MTMR3: variants seen among roughly 807,000 people sequenced by gnomAD.
MTMR3 encodes the protein phosphatidylinositol-3,5-bisphosphate 3-phosphatase MTMR3.
A neutral mutation model predicts 132.4 loss-of-function variants in MTMR3; 32 were observed. The observed-to-expected ratio is 0.24, with a 90% CI of 0.18 to 0.32. The LOEUF (loss-of-function observed/expected upper bound fraction) is 0.32, where lower values mean the gene tolerates loss of function less well. Ranked by LOEUF, MTMR3 falls within the 10% of genes least tolerant of loss-of-function variation. The pLI is 1.00. For synonymous variants in MTMR3, 556 were observed against 550.3 expected, an observed-to-expected ratio of 1.01 and a Z score of -0.14; for missense variants, 1,216 against 1,489.6, an observed-to-expected ratio of 0.82 and a Z score of 3.02.
At chr22:29,903,243 TAAAAA>T (rs951374514) in intron 1 of MTMR3, among the ~76,000 whole-genome samples, 17 of 152,022 alleles carry the variant, frequency 1.1e-4, no homozygotes, top group South Asian at 2.1e-4. Flanking sequence ...AAAATAAAAA[TAAAAA>T]AGAAAAGAGT....
chr22:29,939,797 C>G (rs1411747308), intron 1 of MTMR3, among the ~76,000 whole-genome samples: 1 of 152,098 alleles, frequency 6.6e-6, no homozygotes, highest in Non-Finnish European at 1.5e-5. Flanking sequence ...GCCACTCTGC[C>G]CAGGCTAAGC....
chr22:29,988,341 G>A (rs2066897349), intron 5 of MTMR3, 139 bp from the exon 6 acceptor site: 3 of 506,398 alleles, frequency 5.9e-6, no homozygotes, highest in East Asian at 3.1e-5. Context: ...CTTGAGTACT[G>A]TTGATCCAGA....
intron 2 of MTMR3, among the ~76,000 whole-genome samples, chr22:29,962,963 G>A (rs2066342243): frequency 7.0e-6 from 1 of 142,368 alleles, no homozygotes; most frequent in Admixed American, 7.2e-5. Flanking sequence ...GGCTTCTGGT[G>A]TGCCGTGGCA....
chr22:29,908,047 C>T (rs959179745), intron 1 of MTMR3, among the ~76,000 whole-genome samples: 9 of 152,120 alleles, frequency 5.9e-5, no homozygotes, highest in Non-Finnish European at 8.8e-5. Context: ...TTGCTTGTAC[C>T]TCCTAAGAGT....
chr22:29,938,701 G>A lies in MTMR3; in HGVS notation c.-137-18335G>A, dbSNP rs141336055. The stretch of plus-strand genomic sequence containing the variant: ...AGATAAATTTTTCTTGGTCATTAGA[G>A]TAAAGGTATATGCAAATTCTTTTCT... On this transcript the variant is annotated intron_variant, in intron 1 of 19. Coordinates refer to ENST00000401950, the MANE Select transcript of MTMR3 (RefSeq NM_021090.4). Among the ~76,000 whole-genome samples, 150 of 152,330 alleles carry A rather than the reference G, an allele frequency of 9.8e-4. 1 individual carries two copies. Among genetic ancestry groups the A allele is most frequent in the African/African-American group, 3.5e-3 (146 of 41,588 alleles).
At chr22:29,955,016 G>T (rs2066160842) in intron 1 of MTMR3, among the ~76,000 whole-genome samples, 1 of 151,998 alleles carries the variant, frequency 6.6e-6, no homozygotes, top group South Asian at 2.1e-4. Context: ...ACAATCTAGG[G>T]TCTTACTTTG....
chr22:30,020,581 G>T lies in MTMR3; in HGVS notation c.2922G>T (p.Leu974=). The change falls in exon 17 of 20, where the codon CTG becomes CTT. Residue 974 remains leucine, a synonymous_variant. Transcript: ENST00000401950. ...GCAAGGACTCACTGAGCCGTCAGCT[G>T]TCTGCTATGAGCTGCAGCTCTGCCC... ...GRSKDSLSRQ[L]SAMSCSSAHL... The T allele has an allele frequency of 6.2e-7, 1 of 1,614,224 alleles. No individual in the cohort carries two copies. Among genetic ancestry groups the T allele is most frequent in the Non-Finnish European group, 8.5e-7 (1 of 1,180,044 alleles).
intron 7 of MTMR3, chr22:29,993,114 T>G (rs1201138707): frequency 6.6e-6 from 1 of 152,218 alleles, no homozygotes; most frequent in African/African-American, 2.4e-5. Flanking sequence ...TCTTGGAGCC[T>G]CAGGGAAAGC....
In MTMR3 at chr22:30,029,927, T is replaced by A. The variant is rs1158517951; in HGVS notation, c.*4126T>A. 3 of 152,360 alleles carry A rather than the reference T, an allele frequency of 2.0e-5. No homozygotes were observed. Among genetic ancestry groups the A allele is most frequent in the Non-Finnish European group, 4.4e-5 (3 of 68,046 alleles). The allele number at this position is 152,360 out of a possible 1,614,324, so 9.4% of individuals were successfully genotyped here. The stretch of plus-strand genomic sequence containing the variant: ...GGGCAGGACCAGATATGTGAGAGAC[T>A]TCTAGTTCAGAGCTGACCCCTCTAA... On this transcript the variant is annotated 3_prime_UTR_variant, in exon 20 of 20. Transcript: ENST00000401950.
At chr22:29,904,163 C>A (rs973779085) in intron 1 of MTMR3, among the ~76,000 whole-genome samples, 1 of 152,074 alleles carries the variant, frequency 6.6e-6, no homozygotes, top group Non-Finnish European at 1.5e-5. Flanking sequence ...AAATTAACAC[C>A]GTGGGAGTAT....
At chr22:29,886,653 T>C (rs1173601965) in intron 1 of MTMR3, among the ~76,000 whole-genome samples, 1 of 152,230 alleles carries the variant, frequency 6.6e-6, no homozygotes, top group Non-Finnish European at 1.5e-5. Context: ...GTAGATGAAC[T>C]TTTATTATTT....
At chr22:29,898,596 T>A (rs1044401668) in intron 1 of MTMR3, among the ~76,000 whole-genome samples, 2 of 152,026 alleles carry the variant, frequency 1.3e-5, no homozygotes, top group African/African-American at 4.8e-5. Flanking sequence ...AGAGACTGGG[T>A]TTTGTCCTGT....
intron 1 of MTMR3, among the ~76,000 whole-genome samples, chr22:29,927,610 T>C (rs2065542641): frequency 6.6e-6 from 1 of 152,176 alleles, no homozygotes; most frequent in African/African-American, 2.4e-5. Context: ...TTCTTAGTGG[T>C]AGTGGTAGAG....
chr22:29,920,234 C>T (rs1569004495), intron 1 of MTMR3, among the ~76,000 whole-genome samples: 1 of 150,722 alleles, frequency 6.6e-6, no homozygotes, highest in African/African-American at 2.4e-5. Flanking sequence ...ACAAAAAACC[C>T]AAAAAAAATT....
At chr22:30,007,536 T>G in intron 10 of MTMR3, 1 of 603,644 alleles carries the variant, frequency 1.7e-6, no homozygotes, top group South Asian at 2.0e-5. Context: ...GTTTGTTGTC[T>G]TTCTTGCCAT....
chr22:29,916,971 A>G (rs1420424627), intron 1 of MTMR3, among the ~76,000 whole-genome samples: 5 of 152,188 alleles, frequency 3.3e-5, no homozygotes, highest in African/African-American at 1.2e-4. Context: ...GCTTTAAGAT[A>G]CAATGTCACT....
At chr22:29,997,487 A>G (rs374842070) in intron 7 of MTMR3, 9 of 152,240 alleles carry the variant, frequency 5.9e-5, no homozygotes, top group East Asian at 3.8e-4. Flanking sequence ...TTAAAATAAC[A>G]TGCTGCCCTA....
At chr22:29,959,321 G>A (rs867284681) in intron 2 of MTMR3, among the ~76,000 whole-genome samples, 2 of 152,024 alleles carry the variant, frequency 1.3e-5, no homozygotes, top group Non-Finnish European at 2.9e-5. Flanking sequence ...TAGCCAGGGG[G>A]GTGGGGGAGT....
At chr22:30,022,399 C>T in intron 18 of MTMR3, 1 of 614,862 alleles carries the variant, frequency 1.6e-6, no homozygotes, top group South Asian at 1.9e-5. Context: ...CAGGGTGCTG[C>T]TGCCTGCTAC....
Sources: gnomAD v4.1 joint callset for allele counts (sites outside exome capture counted in the v4.1 genomes callset) on GRCh38, gnomAD v4.1.1 for gene constraint, MANE v1.5 for transcripts, NCBI Gene and HGNC (gene_info 2026-07-23, HGNC 2026-07-21) for gene names.